The following DEPDC4 variants were observed in gnomAD, a reference collection of about 807,000 sequenced individuals.
DEPDC4 encodes DEP domain containing 4.
Under a neutral mutation model 52.0 loss-of-function variants are expected in DEPDC4, and 52 were observed. The ratio of observed to expected loss-of-function variants is 1.00; its 90% CI spans 0.80 to 1.26. The LOEUF is 1.26. DEPDC4 is among the 50% of genes most tolerant of loss of function. The pLI, the probability that DEPDC4 is intolerant of heterozygous loss-of-function variation, is 0.00. For missense variants in DEPDC4, 530 were observed against 546.9 expected (o/e 0.97, Z 0.31); for synonymous variants, 201 against 196.8 (o/e 1.02, Z -0.18).
rs1201362262 is a variant in DEPDC4 at position 100,253,977 on chromosome 12, AC to A, written c.879-263del. On this transcript the variant is annotated intron_variant, in intron 4 of 9. Transcript: ENST00000550587. Reference sequence around the variant, plus strand: ...AAGAAGTTAAAATAATTTTTAATGAACCCTTTATTATTTATATCTAATTTTG... The same window carrying A: ...AAGAAGTTAAAATAATTTTTAATGAACCTTTATTATTTATATCTAATTTTG... Among the ~76,000 whole-genome samples, 10 of 152,080 alleles carry A rather than the reference AC, an allele frequency of 6.6e-5. No homozygotes were observed. The East Asian group carries it at 9.7e-4, about 15-fold the overall frequency.
intron 1 of DEPDC4, among the ~76,000 whole-genome samples, chr12:100,265,322 GC>G (rs1402819028): frequency 1.2e-4 from 17 of 147,126 alleles, no homozygotes; most frequent in Non-Finnish European, 2.6e-4. Context: ...TTGGCCAGGC[GC>G]AGTGGCTTAA....
In DEPDC4 at chr12:100,241,849, GAAAA is replaced by G. The variant is rs34267654; in HGVS notation, c.*47-8_*47-5del. 1.2e-4 allele frequency: 120 copies of G among 1,018,864 alleles called. No individual in the cohort carries two copies. The highest frequency in any genetic ancestry group is 6.0e-4 in the South Asian group (27 of 44,742). The allele number at this position is 1,018,864 out of a possible 1,614,324, so 63.1% of individuals were successfully genotyped here. A position where few individuals can be genotyped will look rare whatever the true frequency, so the allele number is the denominator to read the frequency against. On this transcript the variant is annotated splice_polypyrimidine_tract_variant and splice_region_variant and intron_variant, in intron 9 of 9. Coordinates refer to ENST00000550587, the MANE Select transcript of DEPDC4 (RefSeq NM_001364818.2). ...AAGGGTTGGCAAAACGTAAAGCCTG[GAAAA>G]AAAAAAAAAAAACAAAAGAAAAAGA...
At chr12:100,244,580 C>T (rs2096177446) in intron 8 of DEPDC4, among the ~76,000 whole-genome samples, 2 of 151,856 alleles carry the variant, frequency 1.3e-5, no homozygotes, top group Admixed American at 6.6e-5. Context: ...CAGCGATCCT[C>T]CTGCCTCATC....
At chr12:100,257,991 AG>A in intron 3 of DEPDC4, among the ~76,000 whole-genome samples, 1 of 112,674 alleles carries the variant, frequency 8.9e-6, no homozygotes, top group East Asian at 2.0e-4. Flanking sequence ...ATAGATAGAT[AG>A]ATAGATAGAT....
chr12:100,244,016 T>A (rs2096171701), intron 8 of DEPDC4, among the ~76,000 whole-genome samples: 1 of 149,428 alleles, frequency 6.7e-6, no homozygotes, highest in African/African-American at 2.5e-5. Context: ...CCCTTGACTA[T>A]TGATGTCAAA....
intron 8 of DEPDC4, among the ~76,000 whole-genome samples, chr12:100,246,382 G>A (rs1311519598): frequency 2.6e-5 from 4 of 152,094 alleles, no homozygotes; most frequent in African/African-American, 9.7e-5. Flanking sequence ...TGATATGGCT[G>A]TCTCTCATTC....
At position 100,240,539 on chromosome 12, in the gene DEPDC4, C is replaced by G. The variant is rs1054466970; in HGVS notation, c.*1353G>C. Among the ~76,000 whole-genome samples the G allele has an allele frequency of 2.0e-5, 3 of 151,592 alleles. No individual in the cohort carries two copies. The highest frequency in any genetic ancestry group is 2.9e-5 in the Non-Finnish European group (2 of 67,996). ...ACCTCTGCTACATTAGGGAATGATGCCATAGAGTGAACTAACCAATTTAAA... is the reference window on the plus strand; with the variant it reads ...ACCTCTGCTACATTAGGGAATGATGGCATAGAGTGAACTAACCAATTTAAA... On this transcript the variant is annotated 3_prime_UTR_variant, in exon 10 of 10. Coordinates refer to ENST00000550587, the MANE Select transcript of DEPDC4 (RefSeq NM_001364818.2).
intron 4 of DEPDC4, 89 bp from the exon 5 acceptor site, chr12:100,253,804 C>A (rs955531318): frequency 1.6e-6 from 1 of 640,316 alleles, no homozygotes; most frequent in Admixed American, 3.7e-5. Flanking sequence ...AAAAATCTGG[C>A]TTATTTAAGC....
At chr12:100,235,367 T>A (rs71464211), downstream of DEPDC4, among the ~76,000 whole-genome samples, 21,665 of 144,156 alleles carry the variant, frequency 0.15, 2,032 homozygotes, top group Non-Finnish European at 0.21. Context: ...TTTTTTTTTT[T>A]ATTCTCTTTT....
the DEPDC4 span, among the ~76,000 whole-genome samples, chr12:100,280,980 G>A: frequency 7.6e-6 from 1 of 131,238 alleles, no homozygotes; most frequent in African/African-American, 2.9e-5. Flanking sequence ...TCTTCTGACT[G>A]TATGCTTATG....
At chr12:100,250,566 G>C (rs1457781236) in intron 7 of DEPDC4, among the ~76,000 whole-genome samples, 1 of 152,104 alleles carries the variant, frequency 6.6e-6, no homozygotes, top group African/African-American at 2.4e-5. Flanking sequence ...AACATGAAGG[G>C]GGAGGTAGAA....
chr12:100,267,314 C>T, upstream of DEPDC4: 1 of 479,570 alleles, frequency 2.1e-6, no homozygotes, highest in Non-Finnish European at 3.7e-6. Context: ...GGCACGAAGG[C>T]AGAGCAGGAA....
At chr12:100,256,345 A>C (rs2096232501) in intron 3 of DEPDC4, 119 bp from the exon 4 acceptor site, 1 of 630,632 alleles carries the variant, frequency 1.6e-6, no homozygotes, top group African/African-American at 1.8e-5. Flanking sequence ...CAGTAGTAAT[A>C]TAATGGGTTA....
chr12:100,249,558 C>T lies in DEPDC4; in HGVS notation c.1375-580G>A, dbSNP rs1205780721. ...TAATTTGGTTATACCAAAGGTAATC[C>T]CAGACTACTATATGTATCTGGAGAA... On this transcript the variant is annotated intron_variant, in intron 7 of 9. Transcript: ENST00000550587. Among the ~76,000 whole-genome samples the T allele has an allele frequency of 2.6e-5, 4 of 152,104 alleles. No homozygotes were observed. In the East Asian group the frequency reaches 7.7e-4, roughly 29 times the overall value.
Position 100,253,581 on chromosome 12 carries a change from A to C in DEPDC4, c.1013T>G (p.Phe338Cys). Residue 338 changes from phenylalanine (F) to cysteine (C), a missense_variant, in exon 5 of 10, where the codon TTT becomes TGT. Transcript: ENST00000550587. ...TRLNSQKKIL[F>C]DVIAKYYAQE... ...AGCATAGTATTTTGCTATGACATCA[A>C]AGAGTATCTTCTTCTGACTGTTCAA... is the stretch of plus-strand genomic sequence containing the variant. 1 of 1,289,200 alleles carries C rather than the reference A, an allele frequency of 7.8e-7. No individual in the cohort carries two copies. The highest frequency in any genetic ancestry group is 1.2e-5 in the South Asian group (1 of 81,006). 79.9% of individuals were successfully genotyped at this position (1,289,200 alleles called of 1,614,324 possible). A position where few individuals can be genotyped will look rare whatever the true frequency, so the allele number is the denominator to read the frequency against.
chr12:100,257,054 CTTTG>C (rs1037263973), intron 3 of DEPDC4, among the ~76,000 whole-genome samples: 73 of 152,190 alleles, frequency 4.8e-4, no homozygotes, highest in African/African-American at 1.7e-3. Context: ...CATCATAATA[CTTTG>C]TTTTTCCTTT....
At chr12:100,269,844 G>A (rs547194583), upstream of DEPDC4, among the ~76,000 whole-genome samples, 28 of 152,200 alleles carry the variant, frequency 1.8e-4, no homozygotes, top group African/African-American at 6.7e-4. Flanking sequence ...GATTCCAAAG[G>A]TTTGAGATAC....
intron 8 of DEPDC4, among the ~76,000 whole-genome samples, chr12:100,247,532 A>G (rs2096191233): frequency 6.6e-6 from 1 of 152,182 alleles, no homozygotes; most frequent in African/African-American, 2.4e-5. Flanking sequence ...ATAGAAATAA[A>G]GAGTAAAATG....
At position 100,253,674 on chromosome 12, in the gene DEPDC4, T is replaced by C; in HGVS notation, c.920A>G (p.Tyr307Cys). ...WLNAAIECLEYFPDQLIVTVS... is the reference protein window; with the variant it reads ...WLNAAIECLECFPDQLIVTVS... Reference sequence around the variant, plus strand: ...TGTAACTATTAACTGGTCAGGGAAATACTCCAAGCATTCAATTGCTGCATT... The same window carrying C: ...TGTAACTATTAACTGGTCAGGGAAACACTCCAAGCATTCAATTGCTGCATT... The change falls in exon 5 of 10, where the codon TAT becomes TGT. Residue 307 changes from tyrosine (Y) to cysteine (C), a missense_variant. Transcript: ENST00000550587. 7.8e-7 allele frequency: 1 copy of C among 1,289,930 alleles called. No homozygotes were observed. Among genetic ancestry groups the C allele is most frequent in the Non-Finnish European group, 1.0e-6 (1 of 988,968 alleles). 79.9% of individuals were successfully genotyped at this position (1,289,930 alleles called of 1,614,324 possible).
Sources: gnomAD v4.1 joint callset for allele counts (sites outside exome capture counted in the v4.1 genomes callset) on GRCh38, gnomAD v4.1.1 for gene constraint, MANE v1.5 for transcripts, NCBI Gene and HGNC (gene_info 2026-07-23, HGNC 2026-07-21) for gene names.